The following LRRK1 variants were observed in gnomAD, a reference collection of about 807,000 sequenced individuals.
LRRK1 encodes leucine-rich repeat serine/threonine-protein kinase 1.
A neutral mutation model predicts 209.1 loss-of-function variants in LRRK1; 113 were observed. The observed-to-expected ratio is 0.54, with a 90% CI of 0.46 to 0.63. The LOEUF is 0.63. Ranked by LOEUF, LRRK1 falls within the 30% of genes least tolerant of loss-of-function variation. The pLI, the probability that LRRK1 is intolerant of heterozygous loss-of-function variation, is 0.00. For synonymous variants in LRRK1, 1,144 were observed against 1,099.7 expected (o/e 1.04, Z -0.80); for missense variants, 2,284 against 2,632.2 (o/e 0.87, Z 2.89).
chr15:100,988,295 TC>T (rs201037284), intron 4 of LRRK1, among the ~76,000 whole-genome samples: 7,347 of 148,244 alleles, frequency 0.05, 236 homozygotes, highest in Middle Eastern at 0.075. Context: ...TTCCCCCTTT[TC>T]CCTCCCTCCA....
chr15:100,925,443 C>T (rs974472169), intron 2 of LRRK1, among the ~76,000 whole-genome samples: 11 of 152,206 alleles, frequency 7.2e-5, no homozygotes, highest in African/African-American at 2.7e-4. Context: ...CCTTATTCTC[C>T]TGTGGGACAT....
intron 24 of LRRK1, 21 bp downstream of exon 24, chr15:101,051,981 C>A: frequency 6.2e-7 from 1 of 1,608,766 alleles, no homozygotes; most frequent in South Asian, 1.1e-5. Flanking sequence ...AAGGCCCCTC[C>A]CAGAACACAG....
In LRRK1 at chr15:101,010,593, A is replaced by C. The variant is rs746952491; in HGVS notation, c.1117+16A>C. Reference sequence around the variant, plus strand: ...GAAGAAAATGGTATGTTTTCTCATCAACTTGAGTGAATTAGTCATTTTCTT... The same window carrying C: ...GAAGAAAATGGTATGTTTTCTCATCCACTTGAGTGAATTAGTCATTTTCTT... On this transcript the variant is annotated intron_variant, in intron 8 of 33. Coordinates refer to ENST00000388948, the MANE Select transcript of LRRK1 (RefSeq NM_024652.6). 6.2e-7 allele frequency: 1 copy of C among 1,608,628 alleles called. No individual in the cohort carries two copies. Among genetic ancestry groups the C allele is most frequent in the Non-Finnish European group, 8.5e-7 (1 of 1,178,384 alleles).
chr15:100,957,922 G>A (rs2042797849), intron 2 of LRRK1, among the ~76,000 whole-genome samples: 1 of 152,228 alleles, frequency 6.6e-6, no homozygotes, highest in African/African-American at 2.4e-5. Context: ...CTGGAGTGCA[G>A]TGGCGTGATC....
In LRRK1 at chr15:101,065,668, A is replaced by G. The variant is rs1348798423; in HGVS notation, c.5231A>G (p.Glu1744Gly). 1.2e-6 allele frequency: 2 copies of G among 1,613,950 alleles called. No homozygotes were observed. Among genetic ancestry groups the G allele is most frequent in the Non-Finnish European group, 1.7e-6 (2 of 1,180,034 alleles). The change falls in exon 32 of 34, where the codon GAG becomes GGG. Residue 1744 changes from glutamate to glycine, a missense_variant. Glu to Gly is a moderately conservative substitution (Grantham distance 98). Transcript: ENST00000388948. ...SMVTSVVCSS[E>G]GRGEEVVWCL... is the part of the protein sequence containing the mutation. ...GTTACGTCAGTCGTGTGCAGCTCTG[A>G]GGGCAGAGGGGAGGAGGTCGTCTGG...
At chr15:100,971,928 C>T (rs936485905) in intron 2 of LRRK1, among the ~76,000 whole-genome samples, 1 of 151,914 alleles carries the variant, frequency 6.6e-6, no homozygotes, top group Non-Finnish European at 1.5e-5. Flanking sequence ...AAGATAATGA[C>T]CTCCAGTTCC....
chr15:101,015,368 C>T lies in LRRK1; in HGVS notation c.1575C>T (p.Thr525=). The change falls in exon 12 of 34, where the codon ACC becomes ACT. Residue 525 remains threonine (T), a synonymous_variant. Coordinates refer to ENST00000388948, the MANE Select transcript of LRRK1 (RefSeq NM_024652.6). ...GLKTKRIAFF[T]TRGRQRSGTE... The stretch of plus-strand genomic sequence containing the variant: ...AAACGAAGCGTATTGCCTTTTTCAC[C>T]ACCAGAGGTCGCCAGCGCTCCGGGA... 1 of 1,613,788 alleles carries T rather than the reference C, an allele frequency of 6.2e-7. No individual in the cohort carries two copies. Among genetic ancestry groups the T allele is most frequent in the Non-Finnish European group, 8.5e-7 (1 of 1,179,838 alleles).
At chr15:101,037,947 T>C (rs1384190996) in intron 20 of LRRK1, among the ~76,000 whole-genome samples, 2 of 152,170 alleles carry the variant, frequency 1.3e-5, no homozygotes, top group South Asian at 2.1e-4. Context: ...CAATTCCTAA[T>C]TGCAAAAATA....
intron 1 of LRRK1, among the ~76,000 whole-genome samples, chr15:100,922,716 A>G (rs1450645094): frequency 2.6e-5 from 4 of 152,188 alleles, no homozygotes; most frequent in African/African-American, 7.2e-5. Context: ...TAAGGCTTTC[A>G]TCATCCCCTA....
intron 6 of LRRK1, among the ~76,000 whole-genome samples, chr15:100,990,423 T>C (rs752301068): frequency 1.4e-4 from 22 of 152,138 alleles, no homozygotes; most frequent in Non-Finnish European, 2.4e-4. Flanking sequence ...TGGGCTGCTT[T>C]GGAAACACTG....
Position 101,077,328 on chromosome 15 carries a change from C to T in LRRK1, c.*8480C>T, listed in dbSNP as rs950916672. The T allele has an allele frequency of 2.0e-5, 3 of 152,244 alleles. No homozygotes were observed. Among genetic ancestry groups the T allele is most frequent in the African/African-American group, 7.2e-5 (3 of 41,452 alleles). The allele number at this position is 152,244 out of a possible 1,614,324, so 9.4% of individuals were successfully genotyped here. A position where few individuals can be genotyped will look rare whatever the true frequency, so the allele number is the denominator to read the frequency against. On this transcript the variant is annotated 3_prime_UTR_variant, in exon 34 of 34. Transcript: ENST00000388948. ...CTCCTATTCACCATTCTCAACTACT[C>T]ATACGTGCCCTGCTCTTGTTTACAC...
chr15:100,931,451 T>C (rs956316904), intron 2 of LRRK1, among the ~76,000 whole-genome samples: 1 of 152,232 alleles, frequency 6.6e-6, no homozygotes, highest in Non-Finnish European at 1.5e-5. Context: ...TATGAAGCCA[T>C]GTTACGATGC....
At chr15:101,046,888 G>A (rs1001944447) in intron 21 of LRRK1, among the ~76,000 whole-genome samples, 2 of 152,188 alleles carry the variant, frequency 1.3e-5, no homozygotes, top group Non-Finnish European at 2.9e-5. Flanking sequence ...TGCAGGGCAG[G>A]AACATGGAAG....
chr15:101,052,069 C>A (rs1425448920), intron 24 of LRRK1, 109 bp downstream of exon 24: 1 of 1,316,026 alleles, frequency 7.6e-7, no homozygotes, highest in Non-Finnish European at 1.0e-6. Context: ...CGGGCAGGTG[C>A]CCCGGCCATG....
chr15:101,003,905 G>T (rs1442813096), intron 6 of LRRK1, among the ~76,000 whole-genome samples: 2 of 152,092 alleles, frequency 1.3e-5, no homozygotes, highest in African/African-American at 2.4e-5. Context: ...GGCGGGGGAG[G>T]TCTGCAGCCC....
rs762328731 is a variant in LRRK1, at chr15:100,988,636, C to T, written c.436C>T (p.Pro146Ser). ...VQELLESLPG[P>S]CSPQRLLNWM... ...TTTGTCCTGCCATCTCCTGCCAGGT[C>T]CCTGCAGTCCCCAGCGGCTTCTGAA... The change falls in exon 5 of 34, where the codon CCC (proline) becomes TCC (serine). Residue 146 changes from proline to serine, a missense_variant and splice_region_variant. This residue lies in a region of LRRK1 where 134 missense variants were observed against 191.7 expected (regional missense o/e 0.70). Transcript: ENST00000388948. 5 of 1,613,998 alleles carry T rather than the reference C, an allele frequency of 3.1e-6. No homozygotes were observed. The Admixed American group carries it at 6.7e-5, about 22-fold the overall frequency.
intron 2 of LRRK1, among the ~76,000 whole-genome samples, chr15:100,963,943 A>G (rs2030274250): frequency 6.6e-6 from 1 of 152,200 alleles, no homozygotes; most frequent in Non-Finnish European, 1.5e-5. Flanking sequence ...TTTTCCATGC[A>G]ATTTTCCCCC....
chr15:101,048,815 G>A (rs903287783), intron 22 of LRRK1, among the ~76,000 whole-genome samples, 158 bp downstream of exon 22: 21 of 152,310 alleles, frequency 1.4e-4, no homozygotes, highest in African/African-American at 4.6e-4. Flanking sequence ...GCCCTCCCAC[G>A]AGTGTCCCAG....
chr15:100,941,474 G>GTGTGTGTGTCTGTGTGTGTCTATGTC (rs2042434908), intron 2 of LRRK1, among the ~76,000 whole-genome samples: 10 of 144,872 alleles, frequency 6.9e-5, no homozygotes, highest in Non-Finnish European at 1.2e-4. Flanking sequence ...CTGTGTGTGT[G>GTGTGTGTGTCTGTGTGTGTCTATGTC]TGTGTGTGTG....
Sources: gnomAD v4.1 joint callset for allele counts (sites outside exome capture counted in the v4.1 genomes callset) on GRCh38, gnomAD v4.1.1 for gene constraint, gnomAD v4.1.1 regional missense constraint, MANE v1.5 for transcripts, NCBI Gene and HGNC (gene_info 2026-07-23, HGNC 2026-07-21) for gene names.